Variants in RNF212 observed in about 807,000 individuals in gnomAD.
The protein encoded by RNF212 is ring finger protein 212.
Under a neutral mutation model 34.7 loss-of-function variants are expected in RNF212, and 33 were observed. That is an observed-to-expected ratio of 0.95 (90% CI 0.72 to 1.27). The LOEUF (loss-of-function observed/expected upper bound fraction) is 1.27, where lower values mean the gene tolerates loss of function less well. Ranked by LOEUF, RNF212 falls within the 50% of genes most tolerant of loss-of-function variation. The probability of loss-of-function intolerance (pLI) is 0.00; values close to 1 mark genes in which losing one functional copy is unlikely to be tolerated. For missense variants in RNF212, 377 were observed against 362.2 expected (o/e 1.04, Z -0.33); for synonymous variants, 140 against 136.1 (o/e 1.03, Z -0.20).
intron 2 of RNF212, chr4:1,100,233 G>A (rs1220967088): frequency 3.6e-6 from 1 of 278,966 alleles, no homozygotes; most frequent in Non-Finnish European, 7.0e-6. Context: ...CTTGTTTTGT[G>A]TTCCTGTCAA....
In RNF212 at chr4:1,105,314, C is replaced by A. The variant is rs111491041; in HGVS notation, c.171+3029G>T. On this transcript the variant is annotated intron_variant, in intron 2 of 9. Coordinates refer to ENST00000433731, the MANE Select transcript of RNF212 (RefSeq NM_001131034.4). The stretch of plus-strand genomic sequence containing the variant: ...CGCTCACCGGAGTCTCCCTTCCTGG[C>A]GGCCCAGCCACCCACCACATCCCCA... 1.9e-3 allele frequency among the ~76,000 whole-genome samples: 291 copies of A among 152,304 alleles called. 2 individuals are homozygous for A. Among genetic ancestry groups the A allele is most frequent in the Middle Eastern group, 0.014 (4 of 294 alleles).
intron 3 of RNF212, among the ~76,000 whole-genome samples, chr4:1,064,121 T>TTCC (rs1186686265): frequency 1.1e-4 from 16 of 152,228 alleles, no homozygotes; most frequent in Non-Finnish European, 2.4e-4. Flanking sequence ...AAAGATTTTT[T>TTCC]TCCTCTTAAG....
intron 5 of RNF212, 121 bp from the exon 6 acceptor site, chr4:1,081,740 C>G: frequency 1.4e-6 from 1 of 713,434 alleles, no homozygotes; most frequent in Non-Finnish European, 2.4e-6. Flanking sequence ...GGTTTGCAAA[C>G]GGCATTTCAC....
Position 1,073,205 on chromosome 4 carries a change from T to C in RNF212, c.575-12A>G, listed in dbSNP as rs1366299616. On this transcript the variant is annotated splice_polypyrimidine_tract_variant and intron_variant, in intron 9 of 9. Transcript: ENST00000433731. Reference sequence around the variant, plus strand: ...TGTTAGATGTGGCCCTGCGGGAAGATGCAGGAGACAGCGTGTGGGGAGATG... The same window carrying C: ...TGTTAGATGTGGCCCTGCGGGAAGACGCAGGAGACAGCGTGTGGGGAGATG... 7.4e-6 allele frequency: 12 copies of C among 1,612,160 alleles called. No homozygotes were observed. The highest frequency in any genetic ancestry group is 1.7e-4 in the Middle Eastern group (1 of 6,044).
At chr4:1,093,432 C>T (rs1416182163) in intron 3 of RNF212, 4 of 1,430,798 alleles carry the variant, frequency 2.8e-6, no homozygotes, top group Non-Finnish European at 3.7e-6. Flanking sequence ...TACAATACCA[C>T]CTCACGTCAC....
chr4:1,103,772 C>A (rs1270455249), intron 2 of RNF212, among the ~76,000 whole-genome samples: 1 of 152,154 alleles, frequency 6.6e-6, no homozygotes, highest in African/African-American at 2.4e-5. Flanking sequence ...ACTTGATGCA[C>A]ATATAATACT....
rs115756303 is a variant in RNF212, at chr4:1,057,509, G to C, written n.220+812C>G. ...CCGGGGCTGGGGCTGAGTCCAGCCT[G>C]CCACCTGTTTTTGTAAATAAAGTTT... is the stretch of plus-strand genomic sequence containing the variant. On this transcript the variant is annotated intron_variant and non_coding_transcript_variant, in intron 4 of 4. Coordinates refer to the RNF212 transcript ENST00000503206. Among the ~76,000 whole-genome samples, 624 of 152,290 alleles carry C rather than the reference G, an allele frequency of 4.1e-3. 5 individuals carry two copies. Among genetic ancestry groups the C allele is most frequent in the African/African-American group, 0.014 (585 of 41,558 alleles).
At position 1,085,912 on chromosome 4, in the gene RNF212, T is replaced by C; in HGVS notation, c.346A>G (p.Ile116Val). 6.2e-7 allele frequency: 1 copy of C among 1,612,520 alleles called. No homozygotes were observed. Among genetic ancestry groups the C allele is most frequent in the Non-Finnish European group, 8.5e-7 (1 of 1,179,122 alleles). ...GCGCCTTACCTTTGTAGTTGTTCTA[T>C]CTGCAGCACTGACTTCCTAAGGGAT... ...EESLRKSVLQ[I>V]EQLQSMRSSQ... The change falls in exon 5 of 10, where the codon ATA becomes GTA. Residue 116 changes from isoleucine (I) to valine (V), a missense_variant. Ile to Val is a conservative substitution (Grantham distance 29). Coordinates refer to ENST00000433731, the MANE Select transcript of RNF212 (RefSeq NM_001131034.4).
At chr4:1,094,197 G>A (rs1285983531) in intron 3 of RNF212, among the ~76,000 whole-genome samples, 1 of 152,168 alleles carries the variant, frequency 6.6e-6, no homozygotes, top group African/African-American at 2.4e-5. Flanking sequence ...CCACAAGGCA[G>A]GTGGGGTGGC....
rs770838976 is a variant in RNF212 at position 1,079,713 on chromosome 4, TTGAG to T, written c.465-29_465-26del. On this transcript the variant is annotated intron_variant, in intron 7 of 9. Coordinates refer to ENST00000433731, the MANE Select transcript of RNF212 (RefSeq NM_001131034.4). ...TCTGTTAAACACATAGTGAAAGGCT[TTGAG>T]TGAGCCCAGGACTTACCTCTAACAA... The T allele has an allele frequency of 5.1e-6, 8 of 1,579,506 alleles. No homozygotes were observed. In the Admixed American group the frequency reaches 8.3e-5, roughly 16 times the overall value.
chr4:1,100,163 T>C, intron 2 of RNF212: 1 of 328,982 alleles, frequency 3.0e-6, no homozygotes, highest in South Asian at 2.5e-5. Flanking sequence ...GTGTGGACTT[T>C]GCACGGTTTC....
intron 1 of RNF212, among the ~76,000 whole-genome samples, chr4:1,110,021 C>T (rs555834199): frequency 3.9e-5 from 6 of 152,280 alleles, no homozygotes; most frequent in African/African-American, 1.2e-4. Flanking sequence ...GCAAATTCTG[C>T]AGCAAGAAAA....
chr4:1,071,382 A>T (rs1718480197), downstream of RNF212: 1 of 152,224 alleles, frequency 6.6e-6, no homozygotes, highest in Non-Finnish European at 1.5e-5. Context: ...TAAACTCCAA[A>T]GAATTTGGAA....
chr4:1,105,125 A>T (rs1407713174), intron 2 of RNF212, among the ~76,000 whole-genome samples: 2 of 152,206 alleles, frequency 1.3e-5, no homozygotes, highest in Non-Finnish European at 2.9e-5. Flanking sequence ...CTTGGAACTC[A>T]AAAGCAACTG....
intron 4 of RNF212, chr4:1,057,009 T>C (rs1293657278): frequency 4.1e-6 from 4 of 986,798 alleles, no homozygotes; most frequent in Non-Finnish European, 4.8e-6. Flanking sequence ...GGAATCCTAA[T>C]AAATTCAAGA....
At chr4:1,082,178 A>G (rs1720461792) in intron 5 of RNF212, among the ~76,000 whole-genome samples, 1 of 152,108 alleles carries the variant, frequency 6.6e-6, no homozygotes, top group African/African-American at 2.4e-5. Flanking sequence ...AAGAAAGAAA[A>G]ACAGGCCAGC....
At chr4:1,101,372 C>T (rs1723958342) in intron 2 of RNF212, 2 of 195,368 alleles carry the variant, frequency 1.0e-5, no homozygotes, top group South Asian at 2.0e-4. Flanking sequence ...TTGAACTTTT[C>T]TTCTCTTTCT....
intron 3 of RNF212, among the ~76,000 whole-genome samples, chr4:1,094,975 C>G (rs1722815781): frequency 1.3e-5 from 2 of 152,206 alleles, no homozygotes; most frequent in African/African-American, 4.8e-5. Flanking sequence ...AAATTCAACC[C>G]ACAGAAATAT....
rs978370087 is a variant in RNF212, at chr4:1,081,971, C to T, written c.363-352G>A. The stretch of plus-strand genomic sequence containing the variant: ...CCAGCTTTGAAAGGCCACTAAGAGG[C>T]CAGCCATGGTGCCTCATGTCCATCA... On this transcript the variant is annotated intron_variant, in intron 5 of 9. Coordinates refer to ENST00000433731, the MANE Select transcript of RNF212 (RefSeq NM_001131034.4). The T allele has an allele frequency of 1.3e-5, 4 of 309,474 alleles. No individual in the cohort carries two copies. The East Asian group carries it at 2.6e-4, about 20-fold the overall frequency. 19.2% of individuals were successfully genotyped at this position (309,474 alleles called of 1,614,324 possible).
Sources: allele counts gnomAD v4.1 joint callset (sites outside exome capture counted in the v4.1 genomes callset), GRCh38; gene constraint gnomAD v4.1.1; transcripts MANE v1.5; gene names NCBI Gene and HGNC (gene_info 2026-07-23, HGNC 2026-07-21).